Variants in MTSS1 observed in about 807,000 individuals in gnomAD.
MTSS1 encodes the protein MTSS I-BAR domain containing 1.
A neutral mutation model predicts 79.0 loss-of-function variants in MTSS1; 18 were observed. The observed-to-expected ratio is 0.23, with a 90% confidence interval of 0.16 to 0.34. The LOEUF (loss-of-function observed/expected upper bound fraction) is 0.34. Among genes scored for constraint, MTSS1 ranks in the 10% least tolerant of loss-of-function variants. The probability of loss-of-function intolerance (pLI) is 1.00; values close to 1 mark genes in which losing one functional copy is unlikely to be tolerated. For synonymous variants in MTSS1, 341 were observed against 368.6 expected, an observed-to-expected ratio of 0.93 and a Z score of 0.86; for missense variants, 815 against 986.2, an observed-to-expected ratio of 0.83 and a Z score of 2.33.
At chr8:124,684,049 T>C (rs147239134) in intron 3 of MTSS1, among the ~76,000 whole-genome samples, 150 of 152,224 alleles carry the variant, frequency 9.9e-4, no homozygotes, top group African/African-American at 3.2e-3. Context: ...AACTTGGAGA[T>C]TGCAAATGTA....
Position 124,591,955 on chromosome 8 carries a change from A to AT in MTSS1, c.209-721dup, listed in dbSNP as rs5894715. Reference sequence around the variant, plus strand: ...GCCACCACACCCAGCTGATTTTTTTATTTTTTTTTTAGTAAAGACAGAGTT... The same window carrying AT: ...GCCACCACACCCAGCTGATTTTTTTATTTTTTTTTTTAGTAAAGACAGAGTT... On this transcript the variant is annotated intron_variant, in intron 3 of 13. Transcript: ENST00000518547. Among the ~76,000 whole-genome samples the AT allele has an allele frequency of 4.9e-3, 729 of 149,450 alleles. 8 individuals are homozygous for AT. The highest frequency in any genetic ancestry group is 0.017 in the African/African-American group (679 of 40,700).
chr8:124,574,077 C>G lies in MTSS1; in HGVS notation c.461-5541G>C, dbSNP rs1019198524. Among the ~76,000 whole-genome samples, 5 of 152,124 alleles carry G rather than the reference C, an allele frequency of 3.3e-5. No homozygotes were observed. In the South Asian group the frequency reaches 6.2e-4, roughly 19 times the overall value. On this transcript the variant is annotated intron_variant, in intron 6 of 13. Transcript: ENST00000518547. ...GCACAATCTCAGCTCACTGAAACCT[C>G]TGCCTCCTGGGTTCAAGACAGTATG... is the stretch of plus-strand genomic sequence containing the variant.
chr8:124,557,783 G>C lies in MTSS1; in HGVS notation c.1128C>G (p.Ser376=). Residue 376 remains serine (S), a synonymous_variant, in exon 11 of 14, where the codon TCC becomes TCG. Transcript: ENST00000518547. ...CAGAGGTGACCCGAGGGAGCAGGCGGGAGGCAGGCAGGCAATGAGGGAAAA... is the reference window on the plus strand; with the variant it reads ...CAGAGGTGACCCGAGGGAGCAGGCGCGAGGCAGGCAGGCAATGAGGGAAAA... The part of the protein sequence containing the change: ...AGLFPHCLPA[S]RLLPRVTSVH... 1.2e-6 allele frequency: 2 copies of C among 1,606,866 alleles called. No individual in the cohort carries two copies. Among genetic ancestry groups the C allele is most frequent in the Non-Finnish European group, 1.7e-6 (2 of 1,176,720 alleles).
At chr8:124,568,640 C>T in intron 6 of MTSS1, 104 bp from the exon 7 acceptor site, 1 of 1,543,016 alleles carries the variant, frequency 6.5e-7, no homozygotes, top group Non-Finnish European at 8.9e-7. Context: ...CACAATTTTC[C>T]AGGATGTAAA....
At chr8:124,584,712 T>C (rs1830562040) in intron 6 of MTSS1, among the ~76,000 whole-genome samples, 2 of 152,196 alleles carry the variant, frequency 1.3e-5, no homozygotes, top group Non-Finnish European at 2.9e-5. Flanking sequence ...TTATAGGCTG[T>C]GAAAGCTGCA....
intron 3 of MTSS1, among the ~76,000 whole-genome samples, chr8:124,690,727 G>A (rs796827182): frequency 7.2e-5 from 11 of 152,270 alleles, no homozygotes; most frequent in Admixed American, 2.0e-4. Context: ...GGAGGGATTC[G>A]TTTTATCAGC....
chr8:124,703,704 A>C (rs1306057875), intron 2 of MTSS1, among the ~76,000 whole-genome samples: 1 of 152,194 alleles, frequency 6.6e-6, no homozygotes, highest in Non-Finnish European at 1.5e-5. Flanking sequence ...TTTAGTAGTG[A>C]TGTGACTATG....
chr8:124,655,665 A>T (rs1486126087), intron 3 of MTSS1, among the ~76,000 whole-genome samples: 1 of 152,216 alleles, frequency 6.6e-6, no homozygotes, highest in Non-Finnish European at 1.5e-5. Context: ...CAAGTTGGAG[A>T]GAGATGTGTG....
chr8:124,665,962 A>G (rs945942335), intron 3 of MTSS1, among the ~76,000 whole-genome samples: 4 of 152,048 alleles, frequency 2.6e-5, no homozygotes, highest in Admixed American at 2.6e-4. Context: ...TGGGCAAGTT[A>G]CTTAACCTAG....
At chr8:124,694,861 C>A (rs1418329086) in intron 3 of MTSS1, among the ~76,000 whole-genome samples, 1 of 152,076 alleles carries the variant, frequency 6.6e-6, no homozygotes, top group East Asian at 1.9e-4. Flanking sequence ...TACAGAAAAT[C>A]GTACTTTCAT....
intron 3 of MTSS1, among the ~76,000 whole-genome samples, chr8:124,614,245 G>T (rs1836425122): frequency 6.6e-6 from 1 of 151,918 alleles, no homozygotes; most frequent in Non-Finnish European, 1.5e-5. Context: ...ACAGCTAGGG[G>T]AAAGAACAGG....
At chr8:124,595,991 AC>A (rs1373053863) in intron 3 of MTSS1, among the ~76,000 whole-genome samples, 3 of 152,172 alleles carry the variant, frequency 2.0e-5, no homozygotes, top group Non-Finnish European at 1.5e-5. Flanking sequence ...AAAGGGTTCC[AC>A]AGGCCACAAA....
chr8:124,712,860 T>G (rs1014213661), intron 1 of MTSS1, among the ~76,000 whole-genome samples: 21 of 152,168 alleles, frequency 1.4e-4, no homozygotes, highest in African/African-American at 5.1e-4. Flanking sequence ...CTGCTCCATT[T>G]GTAACTATTA....
At chr8:124,670,220 A>C (rs1324072359) in intron 3 of MTSS1, among the ~76,000 whole-genome samples, 1 of 152,190 alleles carries the variant, frequency 6.6e-6, no homozygotes, top group Non-Finnish European at 1.5e-5. Context: ...TCCTGAGGTT[A>C]TATTTGAGCT....
chr8:124,673,911 CTG>C (rs75070062), intron 3 of MTSS1, among the ~76,000 whole-genome samples: 13,972 of 152,216 alleles, frequency 0.092, 729 homozygotes, highest in South Asian at 0.17. Flanking sequence ...TGCCACCCAA[CTG>C]TGAAATCCAT....
intron 6 of MTSS1, among the ~76,000 whole-genome samples, chr8:124,581,458 TTTTA>T (rs1379252516): frequency 1.5e-5 from 2 of 137,792 alleles, no homozygotes; most frequent in Non-Finnish European, 1.6e-5. Context: ...ACCAGAATTT[TTTTA>T]TTTTTTTTTT....
chr8:124,568,052 G>A (rs549551396), intron 7 of MTSS1: 3 of 1,030,118 alleles, frequency 2.9e-6, no homozygotes, highest in Non-Finnish European at 3.9e-6. Context: ...TGGACTTGGT[G>A]GGTCTGGGTT....
chr8:124,673,831 C>A (rs1824758116), intron 3 of MTSS1, among the ~76,000 whole-genome samples: 1 of 152,184 alleles, frequency 6.6e-6, no homozygotes, highest in Non-Finnish European at 1.5e-5. Flanking sequence ...GAACCAACAG[C>A]CAGATCTACC....
intron 3 of MTSS1, among the ~76,000 whole-genome samples, chr8:124,670,889 C>A (rs1471866618): frequency 1.3e-5 from 2 of 152,164 alleles, no homozygotes; most frequent in African/African-American, 2.4e-5. Context: ...GCTTAAGATA[C>A]AGAGCCCAGG....
Sources: gnomAD v4.1 joint callset for allele counts (sites outside exome capture counted in the v4.1 genomes callset) on GRCh38, gnomAD v4.1.1 for gene constraint, MANE v1.5 for transcripts, NCBI Gene and HGNC (gene_info 2026-07-23, HGNC 2026-07-21) for gene names.